The following NOL4L variants were observed in gnomAD, a reference collection of about 807,000 sequenced individuals.
NOL4L encodes nucleolar protein 4-like.
A neutral mutation model predicts 64.5 loss-of-function variants in NOL4L; 7 were observed. The observed-to-expected ratio is 0.11, with a 90% CI of 0.06 to 0.20. NOL4L has a LOEUF of 0.20. Ranked by LOEUF, NOL4L falls within the 10% of genes least tolerant of loss-of-function variation. NOL4L has a pLI of 1.00. For synonymous variants in NOL4L, 413 were observed against 401.0 expected, an observed-to-expected ratio of 1.03 and a Z score of -0.36; for missense variants, 680 against 967.1, an observed-to-expected ratio of 0.70 and a Z score of 3.94.
intron 5 of NOL4L, among the ~76,000 whole-genome samples, chr20:32,470,379 A>G (rs1479336727): frequency 6.6e-6 from 1 of 152,120 alleles, no homozygotes; most frequent in Non-Finnish European, 1.5e-5. Context: ...GCCTTCGTTC[A>G]TTTTCATCCA....
chr20:32,575,301 A>T (rs1980024715), intron 1 of NOL4L, among the ~76,000 whole-genome samples: 2 of 148,260 alleles, frequency 1.3e-5, no homozygotes, highest in South Asian at 4.3e-4. Context: ...ACTCATCTCC[A>T]CTCCATCTAG....
At chr20:32,490,867 G>T (rs930466055) in intron 4 of NOL4L, among the ~76,000 whole-genome samples, 2 of 152,194 alleles carry the variant, frequency 1.3e-5, no homozygotes, top group Admixed American at 1.3e-4. Context: ...TCGAGTTATA[G>T]CTCTCTCTGG....
chr20:32,540,410 G>A (rs938222391), intron 1 of NOL4L, among the ~76,000 whole-genome samples: 4 of 152,198 alleles, frequency 2.6e-5, no homozygotes, highest in Admixed American at 1.3e-4. Context: ...ACCATCTGCA[G>A]TCCTTGGACA....
At chr20:32,508,319 T>C (rs1288207145) in intron 4 of NOL4L, among the ~76,000 whole-genome samples, 1 of 152,158 alleles carries the variant, frequency 6.6e-6, no homozygotes, top group Admixed American at 6.6e-5. Flanking sequence ...TATTTTTAGT[T>C]CTAACTCAAG....
intron 1 of NOL4L, among the ~76,000 whole-genome samples, chr20:32,553,925 G>C (rs1430412963): frequency 6.6e-6 from 1 of 152,244 alleles, no homozygotes; most frequent in Non-Finnish European, 1.5e-5. Context: ...ACAGGGGAAA[G>C]TGGGTAAGGA....
rs200200976 is a variant in NOL4L, at chr20:32,493,648, G to A, written c.699+17699C>T. Among the ~76,000 whole-genome samples, 27 of 152,334 alleles carry A rather than the reference G, an allele frequency of 1.8e-4. No homozygotes were observed. In the East Asian group the frequency reaches 4.6e-3, roughly 26 times the overall value. ...TGGTGCTGGGCACAGAGCACCGCCC[G>A]AACCATAGTTATGGATAGTGATGGT... On this transcript the variant is annotated intron_variant, in intron 4 of 10. Coordinates refer to ENST00000621426, the MANE Select transcript of NOL4L (RefSeq NM_001256798.2).
At chr20:32,498,075 G>A (rs539422667) in intron 4 of NOL4L, among the ~76,000 whole-genome samples, 120 of 152,338 alleles carry the variant, frequency 7.9e-4, no homozygotes, top group Non-Finnish European at 1.5e-3. Context: ...TCTGCAGCCC[G>A]GAAGGGGCTC....
intron 4 of NOL4L, among the ~76,000 whole-genome samples, chr20:32,485,058 CAAAAAAAAAA>C (rs57444583): frequency 6.2e-4 from 11 of 17,814 alleles, no homozygotes; most frequent in Admixed American, 3.1e-3. Context: ...GGGAAATTGC[CAAAAAAAAAA>C]AAAAAAAAAA....
In NOL4L at chr20:32,584,892, C is replaced by T. The variant is rs1278409447; in HGVS notation, c.-2G>A. 1.1e-5 allele frequency: 14 copies of T among 1,245,812 alleles called. No homozygotes were observed. The highest frequency in any genetic ancestry group is 1.3e-5 in the Non-Finnish European group (13 of 996,658). 77.2% of individuals were successfully genotyped at this position (1,245,812 alleles called of 1,614,324 possible). On this transcript the variant is annotated 5_prime_UTR_variant, in exon 1 of 11. Transcript: ENST00000621426. The stretch of plus-strand genomic sequence containing the variant: ...CAGCAGCAGCGTCGGCTTCGGCATC[C>T]TCCCGCCGCGCCCGGCGCCCTCGGG...
At position 32,535,679 on chromosome 20, in the gene NOL4L, T is replaced by C. The variant is rs552746416; in HGVS notation, c.322-7766A>G. On this transcript the variant is annotated intron_variant, in intron 1 of 10. Coordinates refer to ENST00000621426, the MANE Select transcript of NOL4L (RefSeq NM_001256798.2). ...AACAACGGCGCTACATTTGAGGATG[T>C]CATCTCCTCCAAGCAGCTCTGAGTC... 1.1e-5 allele frequency: 11 copies of C among 985,502 alleles called. No individual in the cohort carries two copies. The East Asian group carries it at 8.0e-4, about 71-fold the overall frequency. The allele number at this position is 985,502 out of a possible 1,614,324, so 61.0% of individuals were successfully genotyped here. A position where few individuals can be genotyped will look rare whatever the true frequency, so the allele number is the denominator to read the frequency against.
chr20:32,508,417 C>T (rs1025160656), intron 4 of NOL4L, among the ~76,000 whole-genome samples: 2 of 152,188 alleles, frequency 1.3e-5, no homozygotes, highest in East Asian at 1.9e-4. Context: ...CATCTTGCGC[C>T]ACGTGCCCAG....
At chr20:32,491,989 T>C (rs1404781500) in intron 4 of NOL4L, among the ~76,000 whole-genome samples, 1 of 152,196 alleles carries the variant, frequency 6.6e-6, no homozygotes, top group African/African-American at 2.4e-5. Context: ...CATGCACCCG[T>C]AGTCCCAGCT....
intron 4 of NOL4L, among the ~76,000 whole-genome samples, chr20:32,488,890 T>A (rs1418476086): frequency 7.3e-6 from 1 of 137,034 alleles, no homozygotes; most frequent in Non-Finnish European, 1.6e-5. Context: ...TTTCTTTCTT[T>A]CTTTCCTCTC....
intron 4 of NOL4L, among the ~76,000 whole-genome samples, chr20:32,502,369 G>GATCACCTGA (rs1228586559): frequency 2.0e-5 from 3 of 151,804 alleles, no homozygotes; most frequent in African/African-American, 7.3e-5. Flanking sequence ...GAGGCAGGCG[G>GATCACCTGA]ATCACCTGAG....
intron 1 of NOL4L, chr20:32,536,436 G>T: frequency 2.1e-6 from 1 of 473,780 alleles, no homozygotes; most frequent in Non-Finnish European, 2.8e-6. Context: ...GACAGCGCGC[G>T]CTGGGGCCGA....
intron 1 of NOL4L, among the ~76,000 whole-genome samples, chr20:32,580,626 T>G (rs1455953940): frequency 2.0e-5 from 3 of 152,176 alleles, no homozygotes; most frequent in Non-Finnish European, 2.9e-5. Flanking sequence ...CCTTGGGGAA[T>G]GGGGCTCTAA....
chr20:32,449,456 G>A (rs560312554), intron 10 of NOL4L, among the ~76,000 whole-genome samples: 1 of 152,360 alleles, frequency 6.6e-6, no homozygotes, highest in Admixed American at 6.5e-5. Flanking sequence ...AAGGAAGCTG[G>A]TGCAGCCCCC....
At chr20:32,488,783 C>CT (rs2016238616) in intron 4 of NOL4L, among the ~76,000 whole-genome samples, 3 of 43,980 alleles carry the variant, frequency 6.8e-5, no homozygotes, top group Non-Finnish European at 7.3e-5. Context: ...TCCTTCCTTC[C>CT]TTCCTTCCTT....
chr20:32,485,084 A>C lies in NOL4L; in HGVS notation c.700-10342T>G, dbSNP rs1445588319. ...AAAAAAAAAAAAAAAAAAAAAAAAA[A>C]AAACAACTAAAAAAAAACCCTGATA... On this transcript the variant is annotated intron_variant, in intron 4 of 10. Coordinates refer to ENST00000621426, the MANE Select transcript of NOL4L (RefSeq NM_001256798.2). Among the ~76,000 whole-genome samples, 46 of 145,752 alleles carry C rather than the reference A, an allele frequency of 3.2e-4. 1 individual carries two copies. Among genetic ancestry groups the C allele is most frequent in the African/African-American group, 1.1e-3 (45 of 39,202 alleles).
Sources: gnomAD v4.1 joint callset for allele counts (sites outside exome capture counted in the v4.1 genomes callset) on GRCh38, gnomAD v4.1.1 for gene constraint, MANE v1.5 for transcripts, NCBI Gene and HGNC (gene_info 2026-07-23, HGNC 2026-07-21) for gene names.